The following AKAP9 variants were observed in gnomAD, a reference collection of about 807,000 sequenced individuals.
AKAP9 encodes the protein A-kinase anchoring protein 9, also known as A-kinase anchor protein 9.
A neutral mutation model predicts 488.5 loss-of-function variants in AKAP9; 311 were observed. The observed-to-expected ratio is 0.64, with a 90% confidence interval of 0.58 to 0.70. The LOEUF (loss-of-function observed/expected upper bound fraction) is 0.70. Among genes scored for constraint, AKAP9 ranks in the 30% least tolerant of loss-of-function variants. AKAP9 has a pLI of 0.00. For synonymous variants in AKAP9, 1,462 were observed against 1,483.5 expected, an observed-to-expected ratio of 0.99 and a Z score of 0.33; for missense variants, 4,215 against 4,374.5, an observed-to-expected ratio of 0.96 and a Z score of 1.03.
intron 3 of AKAP9, among the ~76,000 whole-genome samples, chr7:91,985,511 T>G (rs1192481112): frequency 6.6e-6 from 1 of 152,158 alleles, no homozygotes; most frequent in African/African-American, 2.4e-5. Flanking sequence ...CTGTATTTGG[T>G]TTGCCAGTAT....
At position 92,088,023 on chromosome 7, in the gene AKAP9, A is replaced by G. The variant is rs142758603; in HGVS notation, c.9214-1362A>G. Among the ~76,000 whole-genome samples the G allele has an allele frequency of 6.6e-5, 10 of 152,228 alleles. No individual in the cohort carries two copies. In the East Asian group the frequency reaches 1.3e-3, roughly 21 times the overall value. On this transcript the variant is annotated intron_variant, in intron 37 of 49. Coordinates refer to ENST00000356239, the MANE Select transcript of AKAP9 (RefSeq NM_005751.5). The stretch of plus-strand genomic sequence containing the variant: ...CCCTTTATTAAACACTATTCAGGCA[A>G]TAGTTCGCAACAGATGCTAAAACTA...
At chr7:91,994,136 G>C (rs1798104096) in intron 5 of AKAP9, among the ~76,000 whole-genome samples, 6 of 152,078 alleles carry the variant, frequency 3.9e-5, no homozygotes, top group Admixed American at 3.9e-4. Flanking sequence ...CTCAAAAAAA[G>C]AACAGAAAAA....
At chr7:92,109,299 T>C (rs893885062) in intron 49 of AKAP9, among the ~76,000 whole-genome samples, 1 of 152,218 alleles carries the variant, frequency 6.6e-6, no homozygotes, top group African/African-American at 2.4e-5. Flanking sequence ...CTCTTTTCCC[T>C]ATCTCACTTC....
intron 1 of AKAP9, among the ~76,000 whole-genome samples, chr7:91,961,596 G>A (rs543998874): frequency 3.3e-5 from 5 of 152,170 alleles, no homozygotes; most frequent in African/African-American, 9.6e-5. Flanking sequence ...TGTAATCCCA[G>A]CACTTTGGGA....
At chr7:92,020,697 G>A (rs190554749) in intron 12 of AKAP9, among the ~76,000 whole-genome samples, 2 of 152,214 alleles carry the variant, frequency 1.3e-5, no homozygotes, top group South Asian at 2.1e-4. Context: ...TTAACACAGT[G>A]TTAGCATACA....
At chr7:92,086,093 GA>G (rs1814509969) in intron 36 of AKAP9, 134 bp from the exon 37 acceptor site, 7 of 809,036 alleles carry the variant, frequency 8.7e-6, no homozygotes, top group East Asian at 2.7e-5. Context: ...GTCTCAAAAA[GA>G]AAAAAATAAA....
intron 8 of AKAP9, among the ~76,000 whole-genome samples, chr7:92,012,185 A>G (rs912573462): frequency 6.6e-6 from 1 of 152,210 alleles, no homozygotes; most frequent in African/African-American, 2.4e-5. Flanking sequence ...AAAATCAAAG[A>G]TGAGTCATGC....
chr7:91,941,037 C>T lies in AKAP9; in HGVS notation c.-63C>T. 1 of 1,536,962 alleles carries T rather than the reference C, an allele frequency of 6.5e-7. No homozygotes were observed. Among genetic ancestry groups the T allele is most frequent in the Non-Finnish European group, 9.0e-7 (1 of 1,109,864 alleles). ...CCGTCCCACCTCCGTCCAAATCGAC[C>T]TTTCCTTTCTATCCCCAACCACCCC... On this transcript the variant is annotated 5_prime_UTR_variant, in exon 1 of 50. Coordinates refer to ENST00000356239, the MANE Select transcript of AKAP9 (RefSeq NM_005751.5).
rs1343840636 is a variant in AKAP9 at position 92,023,024 on chromosome 7, A to G, written c.4148+15A>G. 1.9e-6 allele frequency: 3 copies of G among 1,608,268 alleles called. No individual in the cohort carries two copies. Among genetic ancestry groups the G allele is most frequent in the Non-Finnish European group, 2.6e-6 (3 of 1,174,670 alleles). ...GTTCCGCCAAGGTATTCATCTGCTTATAGCTTCATTCAACAGTATTTGTAG... is the reference window on the plus strand; with the variant it reads ...GTTCCGCCAAGGTATTCATCTGCTTGTAGCTTCATTCAACAGTATTTGTAG... On this transcript the variant is annotated intron_variant, in intron 14 of 49. Coordinates refer to ENST00000356239, the MANE Select transcript of AKAP9 (RefSeq NM_005751.5).
At chr7:92,094,493 A>G (rs1033519204) in intron 39 of AKAP9, among the ~76,000 whole-genome samples, 4 of 150,940 alleles carry the variant, frequency 2.7e-5, no homozygotes, top group Non-Finnish European at 5.9e-5. Flanking sequence ...GGATCGCGCT[A>G]TTGCACTCCA....
rs757261572 is a variant in AKAP9, at chr7:92,029,941, A to G, written c.4195A>G (p.Thr1399Ala). The change falls in exon 15 of 50, where the codon ACA (threonine) becomes GCA (alanine). Residue 1399 changes from threonine to alanine, a missense_variant. Thr to Ala is a moderately conservative substitution (Grantham distance 58). Coordinates refer to ENST00000356239, the MANE Select transcript of AKAP9 (RefSeq NM_005751.5). ...AATTACAGAATCTGATGCACAGAGA[A>G]CAATGTACCCTGGAAGTTGTGTGAA... The part of the protein sequence containing the change: ...VVITESDAQR[T>A]MYPGSCVKKN... The G allele has an allele frequency of 2.5e-5, 40 of 1,613,230 alleles. No homozygotes were observed. In the Admixed American group the frequency reaches 4.8e-4, roughly 19 times the overall value.
intron 31 of AKAP9, among the ~76,000 whole-genome samples, chr7:92,081,517 G>A (rs1183425882): frequency 7.2e-6 from 1 of 138,120 alleles, no homozygotes; most frequent in African/African-American, 2.7e-5. Context: ...TTTTAGTAGA[G>A]ACGAGGTTTC....
rs767386956 is a variant in AKAP9, at chr7:91,994,819, A to G, written c.732+43A>G. On this transcript the variant is annotated intron_variant, in intron 6 of 49. Transcript: ENST00000356239. ...AACAAAATTCATTATTTTTTTAGTA[A>G]TGAATTTTAAAAATTCACTTTCAAG... The G allele has an allele frequency of 1.7e-5, 26 of 1,556,208 alleles. 1 individual carries two copies. The South Asian group carries it at 3.0e-4, about 18-fold the overall frequency.
intron 9 of AKAP9, among the ~76,000 whole-genome samples, chr7:92,013,226 C>T (rs1801024194): frequency 2.0e-5 from 3 of 151,144 alleles, no homozygotes; most frequent in Admixed American, 6.6e-5. Flanking sequence ...CTCCTGACCT[C>T]GTGATCCGCC....
intron 49 of AKAP9, 54 bp downstream of exon 49, chr7:92,108,687 C>T: frequency 1.2e-6 from 2 of 1,607,064 alleles, no homozygotes; most frequent in Non-Finnish European, 1.7e-6. Context: ...ACCCACAGCT[C>T]CCCTTTCTTT....
rs1814562393 is a variant in AKAP9 at position 92,086,342 on chromosome 7, A to G, written c.9139A>G (p.Thr3047Ala). Residue 3047 changes from threonine to alanine, a missense_variant, in exon 37 of 50, where the codon ACG (threonine) becomes GCG (alanine). Thr to Ala is a moderately conservative substitution (Grantham distance 58). Around this residue, in one of 5 missense-constraint regions of AKAP9, gnomAD observed 1,476 missense variants for 1,477.4 expected, o/e 1.00. Transcript: ENST00000356239. Reference protein sequence around the residue: ...ERSVLLAAFRTELTALGTTDA... With the variant: ...ERSVLLAAFRAELTALGTTDA... Reference sequence around the variant, plus strand: ...TAGTGTTTTACTAGCAGCATTTCGGACGGAGCTGACAGCTCTAGGTACTAC... The same window carrying G: ...TAGTGTTTTACTAGCAGCATTTCGGGCGGAGCTGACAGCTCTAGGTACTAC... 6.2e-7 allele frequency: 1 copy of G among 1,613,884 alleles called. No homozygotes were observed. Among genetic ancestry groups the G allele is most frequent in the African/African-American group, 1.3e-5 (1 of 74,868 alleles).
intron 46 of AKAP9, 46 bp from the exon 47 acceptor site, chr7:92,105,632 C>T (rs1775536882): frequency 1.1e-5 from 15 of 1,327,080 alleles, no homozygotes; most frequent in Non-Finnish European, 1.6e-5. Flanking sequence ...AATGTATATA[C>T]TGTTTATAGA....
chr7:92,087,493 CTCTT>C (rs1029249909), intron 37 of AKAP9, among the ~76,000 whole-genome samples: 4 of 152,104 alleles, frequency 2.6e-5, no homozygotes, highest in African/African-American at 2.4e-5. Flanking sequence ...CTTATGAAAA[CTCTT>C]TCAGTAAGAA....
intron 1 of AKAP9, among the ~76,000 whole-genome samples, chr7:91,961,425 G>A (rs965988411): frequency 5.3e-5 from 8 of 150,772 alleles, no homozygotes; most frequent in Admixed American, 2.0e-4. Flanking sequence ...GGATCCACCC[G>A]CCTCAGCCTC....
Sources: gnomAD v4.1 joint callset for allele counts (sites outside exome capture counted in the v4.1 genomes callset) on GRCh38, gnomAD v4.1.1 for gene constraint, gnomAD v4.1.1 regional missense constraint, MANE v1.5 for transcripts, NCBI Gene and HGNC (gene_info 2026-07-23, HGNC 2026-07-21) for gene names.